The following BNC2 variants were observed in gnomAD, a reference collection of about 807,000 sequenced individuals.
BNC2 encodes zinc finger protein basonuclin-2.
A neutral mutation model predicts 76.3 loss-of-function variants in BNC2; 20 were observed. That is an observed-to-expected ratio of 0.26 (90% CI 0.18 to 0.38). BNC2 has a LOEUF of 0.38. BNC2 is among the 10% of genes least tolerant of loss of function. The pLI, the probability that BNC2 is intolerant of heterozygous loss-of-function variation, is 1.00. For missense variants in BNC2, 1,382 were observed against 1,399.8 expected (o/e 0.99, Z 0.20); for synonymous variants, 582 against 514.8 (o/e 1.13, Z -1.77).
intron 5 of BNC2, among the ~76,000 whole-genome samples, chr9:16,506,587 G>A (rs1822633312): frequency 7.8e-6 from 1 of 128,150 alleles, no homozygotes; most frequent in African/African-American, 3.0e-5. Context: ...ATGCAATGGT[G>A]CAATCTCAGC....
chr9:16,478,802 T>C lies in BNC2; in HGVS notation c.670-41278A>G, dbSNP rs76550867. Reference sequence around the variant, plus strand: ...TCAGTGTGTAAGAGTACCTCTAAATTGAAGTAACTATTTTGTGGCTCCCTG... The same window carrying C: ...TCAGTGTGTAAGAGTACCTCTAAATCGAAGTAACTATTTTGTGGCTCCCTG... On this transcript the variant is annotated intron_variant, in intron 5 of 6. Coordinates refer to ENST00000380672, the MANE Select transcript of BNC2 (RefSeq NM_017637.6). Among the ~76,000 whole-genome samples the C allele has an allele frequency of 5.1e-4, 78 of 152,278 alleles. No individual in the cohort carries two copies. The East Asian group carries it at 0.014, about 28-fold the overall frequency.
At chr9:16,507,821 T>C (rs781394513) in intron 5 of BNC2, among the ~76,000 whole-genome samples, 4 of 152,192 alleles carry the variant, frequency 2.6e-5, no homozygotes, top group Non-Finnish European at 5.9e-5. Context: ...TAATTACACA[T>C]AGCACTAGTA....
chr9:16,486,896 T>A (rs1822175277), intron 5 of BNC2, among the ~76,000 whole-genome samples: 2 of 152,058 alleles, frequency 1.3e-5, no homozygotes, highest in African/African-American at 2.4e-5. Context: ...TAATTTTTTT[T>A]ATAGAGATAA....
In BNC2 at chr9:16,861,181, AATAT is replaced by A. The variant is rs71327866; in HGVS notation, c.3+9461_3+9464del. On this transcript the variant is annotated intron_variant, in intron 1 of 6. Transcript: ENST00000380672. ...ACATGGTAATACCCTATCTCTACAA[AATAT>A]ATATATATATATATATAAATTAACC... Among the ~76,000 whole-genome samples the A allele has an allele frequency of 4.0e-3, 520 of 131,104 alleles. 22 individuals are homozygous for A. Among genetic ancestry groups the A allele is most frequent in the African/African-American group, 8.3e-3 (266 of 32,100 alleles). 86.0% of individuals were successfully genotyped at this position (131,104 alleles called of 152,430 possible). A position where few individuals can be genotyped will look rare whatever the true frequency, so the allele number is the denominator to read the frequency against.
At chr9:16,420,302 GCCT>G (rs1820684024) in intron 6 of BNC2, among the ~76,000 whole-genome samples, 1 of 152,054 alleles carries the variant, frequency 6.6e-6, no homozygotes, top group Non-Finnish European at 1.5e-5. Context: ...CAACACGAAT[GCCT>G]TTTCTCAGAA....
In BNC2 at chr9:16,414,530, A is replaced by C. The variant is rs1820543482; in HGVS notation, c.*4459T>G. ...TTCGTTTGTCATAATTTTAAAAAAG[A>C]AGCTCTTAAGAAAAGGGTGTGACCA... On this transcript the variant is annotated 3_prime_UTR_variant, in exon 7 of 7. Coordinates refer to ENST00000380672, the MANE Select transcript of BNC2 (RefSeq NM_017637.6). 1 of 152,248 alleles carries C rather than the reference A, an allele frequency of 6.6e-6. No individual in the cohort carries two copies. Among genetic ancestry groups the C allele is most frequent in the African/African-American group, 2.4e-5 (1 of 41,466 alleles). 9.4% of individuals were successfully genotyped at this position (152,248 alleles called of 1,614,324 possible).
At chr9:16,854,765 T>G (rs1176682696) in intron 1 of BNC2, among the ~76,000 whole-genome samples, 1 of 151,686 alleles carries the variant, frequency 6.6e-6, no homozygotes, top group East Asian at 2.0e-4. Flanking sequence ...TTGAGAATAT[T>G]AACGTATCTA....
intron 3 of BNC2, among the ~76,000 whole-genome samples, chr9:16,636,580 G>C (rs888660560): frequency 6.6e-6 from 1 of 152,072 alleles, no homozygotes; most frequent in African/African-American, 2.4e-5. Flanking sequence ...TAGGATTACA[G>C]GTGTGAGCCG....
chr9:16,677,578 A>AAACACACACAC (rs1822687344), intron 3 of BNC2, among the ~76,000 whole-genome samples: 1 of 139,256 alleles, frequency 7.2e-6, no homozygotes, highest in African/African-American at 2.8e-5. Context: ...GTCTCAAACA[A>AAACACACACAC]ACACACACAC....
At chr9:16,838,076 T>C (rs1484369680) in intron 1 of BNC2, among the ~76,000 whole-genome samples, 3 of 152,218 alleles carry the variant, frequency 2.0e-5, no homozygotes, top group Admixed American at 6.5e-5. Context: ...TTTGGAGCTA[T>C]GCAAGTCTGA....
At chr9:16,734,670 G>T (rs1537003) in intron 2 of BNC2, among the ~76,000 whole-genome samples, 1,776 of 152,268 alleles carry the variant, frequency 0.012, 41 homozygotes, top group African/African-American at 0.04. Context: ...CCAAAGTATT[G>T]TGAGTACTAT....
At chr9:16,766,902 C>T (rs925257567) in intron 1 of BNC2, among the ~76,000 whole-genome samples, 2 of 152,152 alleles carry the variant, frequency 1.3e-5, no homozygotes, top group African/African-American at 4.8e-5. Flanking sequence ...ACTCCCCTAC[C>T]CAGTTTTATG....
At position 16,410,778 on chromosome 9, in the gene BNC2, C is replaced by A. The variant is rs1820442528; in HGVS notation, c.*8211G>T. 2 of 152,032 alleles carry A rather than the reference C, an allele frequency of 1.3e-5. No homozygotes were observed. The highest frequency in any genetic ancestry group is 2.9e-5 in the Non-Finnish European group (2 of 68,016). 9.4% of individuals were successfully genotyped at this position (152,032 alleles called of 1,614,324 possible). On this transcript the variant is annotated 3_prime_UTR_variant, in exon 7 of 7. Transcript: ENST00000380672. ...GGATTGAGAAAGACAATGGAAAAGT[C>A]AGAGGAGATTAAGATACACAATGAG...
intron 1 of BNC2, among the ~76,000 whole-genome samples, chr9:16,857,426 G>A (rs1229529207): frequency 7.1e-6 from 1 of 140,450 alleles, no homozygotes; most frequent in Non-Finnish European, 1.5e-5. Flanking sequence ...GCAGTGAGCC[G>A]ACATTGTGCC....
Position 16,869,568 on chromosome 9 carries a change from T to C in BNC2, c.3+1078A>G, listed in dbSNP as rs1045873504. ...GCTATCTCACCTGTATTCTCATATG[T>C]TCCCTCTATATACGGAATACACCAT... is the stretch of plus-strand genomic sequence containing the variant. On this transcript the variant is annotated intron_variant, in intron 1 of 6. Coordinates refer to ENST00000380672, the MANE Select transcript of BNC2 (RefSeq NM_017637.6). Among the ~76,000 whole-genome samples the C allele has an allele frequency of 3.3e-5, 5 of 152,158 alleles. No individual in the cohort carries two copies. In the South Asian group the frequency reaches 6.2e-4, roughly 19 times the overall value.
chr9:16,838,553 C>G (rs1818758060), intron 1 of BNC2, among the ~76,000 whole-genome samples: 1 of 152,164 alleles, frequency 6.6e-6, no homozygotes, highest in Admixed American at 6.5e-5. Flanking sequence ...AAGAGCGAAA[C>G]TCCGTGTTAA....
chr9:16,851,678 T>C (rs1819130345), intron 1 of BNC2, among the ~76,000 whole-genome samples: 1 of 152,166 alleles, frequency 6.6e-6, no homozygotes, highest in African/African-American at 2.4e-5. Flanking sequence ...TAAAACTGTT[T>C]TTAAAAACTT....
At chr9:16,581,340 A>T (rs1454648696) in intron 4 of BNC2, among the ~76,000 whole-genome samples, 1 of 152,192 alleles carries the variant, frequency 6.6e-6, no homozygotes, top group Non-Finnish European at 1.5e-5. Context: ...CTGGCAGATC[A>T]TGAGGTCGGG....
intron 3 of BNC2, chr9:16,699,288 A>G (rs1823438873): frequency 2.2e-6 from 1 of 455,806 alleles, no homozygotes; most frequent in East Asian, 7.0e-5. Context: ...GAGGAGGAAG[A>G]CAGGCCAACA....
Sources: allele counts gnomAD v4.1 joint callset (sites outside exome capture counted in the v4.1 genomes callset), GRCh38; gene constraint gnomAD v4.1.1; transcripts MANE v1.5; gene names NCBI Gene and HGNC (gene_info 2026-07-23, HGNC 2026-07-21).